ADGRE1: variants seen among roughly 807,000 people sequenced by gnomAD.
ADGRE1 encodes adhesion G protein-coupled receptor E1.
Under a neutral mutation model 102.7 loss-of-function variants are expected in ADGRE1, and 82 were observed. That is an observed-to-expected ratio of 0.80 (90% CI 0.67 to 0.96). The LOEUF (loss-of-function observed/expected upper bound fraction) is 0.96, where lower values mean the gene tolerates loss of function less well. ADGRE1 is among the 40% of genes least tolerant of loss of function. The probability of loss-of-function intolerance (pLI) is 0.00; values close to 1 mark genes in which losing one functional copy is unlikely to be tolerated. For missense variants in ADGRE1, 1,032 were observed against 1,085.3 expected, an observed-to-expected ratio of 0.95 and a Z score of 0.69; for synonymous variants, 398 against 399.6, an observed-to-expected ratio of 1.00 and a Z score of 0.05.
At chr19:6,902,564 CCAAGTAG>C (rs1234794924) in intron 6 of ADGRE1, among the ~76,000 whole-genome samples, 1 of 150,956 alleles carries the variant, frequency 6.6e-6, no homozygotes, top group Non-Finnish European at 1.5e-5. Context: ...CCTCAGCCTC[CCAAGTAG>C]ATGGGATTAC....
Position 6,937,406 on chromosome 19 carries a change from G to C in ADGRE1, c.2545G>C (p.Gly849Arg). 6.2e-7 allele frequency: 1 copy of C among 1,613,098 alleles called. No homozygotes were observed. Among genetic ancestry groups the C allele is most frequent in the African/African-American group, 1.3e-5 (1 of 74,886 alleles). ...CTTCCTCATCCACTGTCTGCTCAACGGCCAGGTGTGTAGCTGCTGCCCTCC... is the reference window on the plus strand; with the variant it reads ...CTTCCTCATCCACTGTCTGCTCAACCGCCAGGTGTGTAGCTGCTGCCCTCC... Reference protein sequence around the residue: ...FIFLIHCLLNGQVREEYKRWI... With the variant: ...FIFLIHCLLNRQVREEYKRWI... The change falls in exon 19 of 21, where the codon GGC (glycine) becomes CGC (arginine). Residue 849 changes from glycine to arginine, a missense_variant. Physicochemically the swap from Gly to Arg is moderately radical, Grantham distance 125. Coordinates refer to ENST00000312053, the MANE Select transcript of ADGRE1 (RefSeq NM_001974.5).
intron 1 of ADGRE1, among the ~76,000 whole-genome samples, chr19:6,889,710 A>C: frequency 6.7e-6 from 1 of 148,966 alleles, no homozygotes; most frequent in African/African-American, 2.5e-5. Context: ...AAAAAAAAAA[A>C]GGAAAGAAAA....
In ADGRE1 at chr19:6,940,179, G is replaced by T. The variant is rs1192892993; in HGVS notation, c.*150G>T. On this transcript the variant is annotated 3_prime_UTR_variant, in exon 21 of 21. Coordinates refer to ENST00000312053, the MANE Select transcript of ADGRE1 (RefSeq NM_001974.5). Reference sequence around the variant, plus strand: ...CCTCTGGGGAAGAATGTTGGGGGCGGTCTTCCTGTGGTTGTATGCACTGAT... The same window carrying T: ...CCTCTGGGGAAGAATGTTGGGGGCGTTCTTCCTGTGGTTGTATGCACTGAT... The T allele has an allele frequency of 3.5e-6, 3 of 846,384 alleles. No individual in the cohort carries two copies. Among genetic ancestry groups the T allele is most frequent in the Non-Finnish European group, 3.8e-6 (2 of 531,376 alleles). The allele number at this position is 846,384 out of a possible 1,614,324, so 52.4% of individuals were successfully genotyped here.
chr19:6,910,479 T>C (rs1974131317), intron 10 of ADGRE1, among the ~76,000 whole-genome samples: 1 of 152,162 alleles, frequency 6.6e-6, no homozygotes, highest in Non-Finnish European at 1.5e-5. Context: ...TCTTAAATTG[T>C]TCATATTAAA....
intron 18 of ADGRE1, among the ~76,000 whole-genome samples, chr19:6,936,777 C>T (rs868030039): frequency 3.9e-5 from 6 of 151,972 alleles, no homozygotes; most frequent in Admixed American, 6.6e-5. Context: ...CATCTGCCAC[C>T]GTGCCCGGCT....
intron 8 of ADGRE1, 142 bp from the exon 9 acceptor site, chr19:6,906,291 G>T: frequency 1.5e-6 from 1 of 655,034 alleles, no homozygotes. Context: ...GTGTAGTTGT[G>T]GTTTGTTCAT....
At position 6,903,728 on chromosome 19, in the gene ADGRE1, T is replaced by C. The variant is rs572503527; in HGVS notation, c.662-82T>C. The C allele has an allele frequency of 5.1e-6, 8 of 1,562,752 alleles. No individual in the cohort carries two copies. In the African/African-American group the frequency reaches 6.8e-5, roughly 13 times the overall value. On this transcript the variant is annotated intron_variant, in intron 6 of 20. Coordinates refer to ENST00000312053, the MANE Select transcript of ADGRE1 (RefSeq NM_001974.5). ...TGGGACACCATTTTCTAGTGAAACA[T>C]GACTCCATATTTTGCAAAGGGAAGC...
intron 12 of ADGRE1, 100 bp downstream of exon 12, chr19:6,916,468 A>C: frequency 1.4e-6 from 2 of 1,464,830 alleles, no homozygotes; most frequent in Non-Finnish European, 1.8e-6. Context: ...GATAGTTGAG[A>C]ACCAATGAGG....
At chr19:6,932,512 A>T (rs567834551) in intron 17 of ADGRE1, among the ~76,000 whole-genome samples, 1 of 152,202 alleles carries the variant, frequency 6.6e-6, no homozygotes, top group South Asian at 2.1e-4. Flanking sequence ...TTAAAAGGCT[A>T]TCTGTTGGGG....
chr19:6,916,707 C>T (rs1027897383), intron 12 of ADGRE1, among the ~76,000 whole-genome samples: 2 of 151,346 alleles, frequency 1.3e-5, no homozygotes, highest in African/African-American at 2.4e-5. Context: ...AGGATTAAAA[C>T]GTCTCACTCA....
At chr19:6,909,637 A>G (rs1043761962) in intron 10 of ADGRE1, among the ~76,000 whole-genome samples, 11 of 152,064 alleles carry the variant, frequency 7.2e-5, no homozygotes, top group Non-Finnish European at 1.5e-4. Flanking sequence ...GCTGTATATA[A>G]CCATCACCAT....
intron 2 of ADGRE1, chr19:6,891,027 ATGGTT>A (rs1973347084): frequency 6.5e-6 from 1 of 153,788 alleles, no homozygotes; most frequent in African/African-American, 2.4e-5. Context: ...AGTTGTTGAT[ATGGTT>A]TGGCTATGTC....
chr19:6,889,687 CA>C (rs1178774112), intron 1 of ADGRE1, among the ~76,000 whole-genome samples: 655 of 41,780 alleles, frequency 0.016, 2 homozygotes, highest in East Asian at 0.05. Flanking sequence ...GACTCCATCT[CA>C]AAAAAAAAAA....
At position 6,926,422 on chromosome 19, in the gene ADGRE1, C is replaced by T; in HGVS notation, c.2043C>T (p.Phe681=). The T allele has an allele frequency of 6.2e-7, 1 of 1,614,246 alleles. No individual in the cohort carries two copies. Among genetic ancestry groups the T allele is most frequent in the Non-Finnish European group, 8.5e-7 (1 of 1,180,052 alleles). ...FLHYLFLACF[F]WMLVEAVILF... is the part of the protein sequence containing the mutation. ...ACTACCTTTTCCTTGCCTGCTTCTT[C>T]TGGATGCTGGTGGAGGCTGTGATAC... Residue 681 remains phenylalanine (F), a synonymous_variant, in exon 16 of 21, where the codon TTC becomes TTT. Coordinates refer to ENST00000312053, the MANE Select transcript of ADGRE1 (RefSeq NM_001974.5).
intron 11 of ADGRE1, 72 bp downstream of exon 11, chr19:6,913,902 T>A (rs1173756456): frequency 7.0e-7 from 1 of 1,424,894 alleles, no homozygotes; most frequent in African/African-American, 1.4e-5. Flanking sequence ...CAATGGGATA[T>A]TCCCTGGGTT....
chr19:6,905,034 G>A (rs1051533641), intron 8 of ADGRE1, among the ~76,000 whole-genome samples: 4 of 152,000 alleles, frequency 2.6e-5, no homozygotes, highest in African/African-American at 9.7e-5. Flanking sequence ...GATTCTGCAG[G>A]GTCTTGGTGG....
intron 11 of ADGRE1, among the ~76,000 whole-genome samples, chr19:6,915,920 CAAAAAA>C (rs67370670): frequency 1.7e-5 from 1 of 59,142 alleles, no homozygotes; most frequent in Non-Finnish European, 2.9e-5. Context: ...GACTCCGTCT[CAAAAAA>C]AAAAAAAAAA....
At chr19:6,905,620 G>A (rs949677001) in intron 8 of ADGRE1, among the ~76,000 whole-genome samples, 9 of 151,862 alleles carry the variant, frequency 5.9e-5, no homozygotes, top group Non-Finnish European at 1.2e-4. Context: ...CAAAGTGCTG[G>A]GATTACAGGT....
intron 17 of ADGRE1, among the ~76,000 whole-genome samples, chr19:6,932,296 G>T (rs34044508): frequency 6.6e-6 from 1 of 151,598 alleles, no homozygotes; most frequent in Non-Finnish European, 1.5e-5. Flanking sequence ...GTGAAACCCC[G>T]TCTCCACTAA....
Sources: gnomAD v4.1 joint callset for allele counts (sites outside exome capture counted in the v4.1 genomes callset) on GRCh38, gnomAD v4.1.1 for gene constraint, MANE v1.5 for transcripts, NCBI Gene and HGNC (gene_info 2026-07-23, HGNC 2026-07-21) for gene names.